Variants in KCTD8 observed in about 807,000 individuals in gnomAD.
KCTD8 encodes the protein BTB/POZ domain-containing protein KCTD8.
KCTD8 carries 27 observed loss-of-function variants against 31.5 expected under a neutral mutation model. That is an observed-to-expected ratio of 0.86 (90% CI 0.63 to 1.18). The LOEUF is 1.18. KCTD8 is among the 50% of genes most tolerant of loss of function. The pLI is 0.00. For synonymous variants in KCTD8, 290 were observed against 280.0 expected (o/e 1.04, Z -0.36); for missense variants, 658 against 647.7 (o/e 1.02, Z -0.17).
intron 1 of KCTD8, among the ~76,000 whole-genome samples, chr4:44,423,537 G>A (rs943550269): frequency 3.3e-5 from 5 of 151,990 alleles, no homozygotes; most frequent in African/African-American, 1.2e-4. Context: ...CAATTCCTCT[G>A]TTCTGTTAGG....
chr4:44,398,186 A>G (rs1402255462), intron 1 of KCTD8, among the ~76,000 whole-genome samples: 2 of 152,210 alleles, frequency 1.3e-5, no homozygotes, highest in Non-Finnish European at 2.9e-5. Context: ...AAAGAGTTTA[A>G]AGCTTTTTAT....
intron 1 of KCTD8, among the ~76,000 whole-genome samples, chr4:44,231,335 A>G (rs1715112707): frequency 6.6e-6 from 1 of 152,216 alleles, no homozygotes; most frequent in African/African-American, 2.4e-5. Context: ...TCAGAATGCT[A>G]TAATTAGCGA....
At chr4:44,369,346 C>G (rs1719723078) in intron 1 of KCTD8, among the ~76,000 whole-genome samples, 1 of 152,170 alleles carries the variant, frequency 6.6e-6, no homozygotes, top group South Asian at 2.1e-4. Flanking sequence ...TCAATATACA[C>G]TCCATTGTTC....
chr4:44,387,384 T>C (rs1355852962), intron 1 of KCTD8, among the ~76,000 whole-genome samples: 1 of 151,844 alleles, frequency 6.6e-6, no homozygotes, highest in Non-Finnish European at 1.5e-5. Context: ...AAAATTCATA[T>C]TGAACCAAAA....
At chr4:44,241,486 T>C (rs1405624617) in intron 1 of KCTD8, among the ~76,000 whole-genome samples, 1 of 152,212 alleles carries the variant, frequency 6.6e-6, no homozygotes, top group African/African-American at 2.4e-5. Flanking sequence ...TTGAATAGGG[T>C]AATTAAATAG....
At chr4:44,181,006 T>C (rs1334494667) in intron 1 of KCTD8, among the ~76,000 whole-genome samples, 2 of 152,220 alleles carry the variant, frequency 1.3e-5, no homozygotes. Flanking sequence ...ACAGTAAGTA[T>C]AGTCCTAGAA....
intron 1 of KCTD8, among the ~76,000 whole-genome samples, chr4:44,232,650 A>G (rs1159725416): frequency 3.3e-5 from 5 of 152,328 alleles, no homozygotes; most frequent in African/African-American, 1.2e-4. Flanking sequence ...CTTCTGAGAT[A>G]TGACAAAATA....
chr4:44,225,226 A>G (rs1714921150), intron 1 of KCTD8, among the ~76,000 whole-genome samples: 1 of 152,190 alleles, frequency 6.6e-6, no homozygotes, highest in African/African-American at 2.4e-5. Context: ...GTCTATGTGG[A>G]AAGTGCTACA....
chr4:44,446,163 G>T (rs187245007), intron 1 of KCTD8, among the ~76,000 whole-genome samples: 1 of 152,084 alleles, frequency 6.6e-6, no homozygotes, highest in Non-Finnish European at 1.5e-5. Flanking sequence ...AACTTCCAAG[G>T]TTACCAGAAT....
chr4:44,219,405 C>T (rs1714742027), intron 1 of KCTD8, among the ~76,000 whole-genome samples: 1 of 152,194 alleles, frequency 6.6e-6, no homozygotes, highest in Admixed American at 6.5e-5. Context: ...AAGAGGTGAT[C>T]ATATTGGACT....
intron 1 of KCTD8, among the ~76,000 whole-genome samples, chr4:44,294,638 T>C (rs1391502693): frequency 6.6e-6 from 1 of 152,182 alleles, no homozygotes; most frequent in Non-Finnish European, 1.5e-5. Context: ...AAGGCTTCAC[T>C]TGGATTCTCA....
intron 1 of KCTD8, among the ~76,000 whole-genome samples, chr4:44,212,926 G>GT (rs1339053240): frequency 5.9e-5 from 9 of 151,570 alleles, no homozygotes; most frequent in African/African-American, 2.2e-4. Context: ...TTTTGTCTTT[G>GT]TTTTTTTGTT....
chr4:44,222,299 GGAAGGAAA>G (rs1714830649), intron 1 of KCTD8, among the ~76,000 whole-genome samples: 1 of 152,172 alleles, frequency 6.6e-6, no homozygotes, highest in African/African-American at 2.4e-5. Flanking sequence ...CTGGCAGTCA[GGAAGGAAA>G]GCTCAATGTG....
At chr4:44,371,878 T>G (rs183119167) in intron 1 of KCTD8, among the ~76,000 whole-genome samples, 1 of 152,282 alleles carries the variant, frequency 6.6e-6, no homozygotes, top group Admixed American at 6.5e-5. Flanking sequence ...TTCTGTCCAG[T>G]TTTTAAATTT....
intron 1 of KCTD8, among the ~76,000 whole-genome samples, chr4:44,221,826 G>A (rs1434780305): frequency 6.6e-6 from 1 of 151,908 alleles, no homozygotes; most frequent in Non-Finnish European, 1.5e-5. Context: ...GGGTGTCTGT[G>A]TCTCCCAATT....
intron 1 of KCTD8, among the ~76,000 whole-genome samples, chr4:44,400,261 GAGATA>G (rs2109455913): frequency 6.6e-6 from 1 of 152,216 alleles, no homozygotes; most frequent in African/African-American, 2.4e-5. Context: ...GTTTGAATCA[GAGATA>G]AGATATTTAA....
At chr4:44,357,913 T>C (rs1719386279) in intron 1 of KCTD8, among the ~76,000 whole-genome samples, 1 of 151,746 alleles carries the variant, frequency 6.6e-6, no homozygotes, top group Non-Finnish European at 1.5e-5. Flanking sequence ...ATAATTATTA[T>C]TATACTTTAA....
At chr4:44,437,058 GTT>G (rs11392516) in intron 1 of KCTD8, among the ~76,000 whole-genome samples, 4 of 146,580 alleles carry the variant, frequency 2.7e-5, no homozygotes, top group Non-Finnish European at 3.0e-5. Flanking sequence ...GATTTTGAAA[GTT>G]TTTTTTTTTT....
At chr4:44,335,008 G>C (rs1718686776) in intron 1 of KCTD8, among the ~76,000 whole-genome samples, 2 of 152,038 alleles carry the variant, frequency 1.3e-5, no homozygotes, top group South Asian at 4.1e-4. Context: ...TAAAAATATG[G>C]TTTTAGATGA....
Sources: allele counts gnomAD v4.1 joint callset (sites outside exome capture counted in the v4.1 genomes callset), GRCh38; gene constraint gnomAD v4.1.1; transcripts MANE v1.5; gene names NCBI Gene and HGNC (gene_info 2026-07-23, HGNC 2026-07-21).